SLC38A8: variants seen among roughly 807,000 people sequenced by gnomAD.
SLC38A8 encodes the protein solute carrier family 38 member 8, also known as amino acid transporter SLC38A8.
In SLC38A8, 65 loss-of-function variants were observed where a neutral mutation model predicts 46.0. That is an observed-to-expected ratio of 1.41 (90% CI 1.16 to 1.74). SLC38A8 has a LOEUF of 1.74. SLC38A8 is among the 40% of genes most tolerant of loss of function. The pLI is 0.00. For synonymous variants in SLC38A8, 447 were observed against 243.7 expected, an observed-to-expected ratio of 1.83 and a Z score of -7.77; for missense variants, 998 against 567.9, an observed-to-expected ratio of 1.76 and a Z score of -7.70.
In SLC38A8 at chr16:84,041,981, G is replaced by C. The variant is rs768398916; in HGVS notation, c.177C>G (p.Phe59Leu). 1.9e-6 allele frequency: 3 copies of C among 1,594,440 alleles called. No individual in the cohort carries two copies. Among genetic ancestry groups the C allele is most frequent in the Admixed American group, 1.7e-5 (1 of 57,540 alleles). ...FSKAGGVVPA[F>L]LVELVSLVFL... Reference sequence around the variant, plus strand: ...CCCGGGGACTTACCAGCTCCACCAGGAAGGCAGGGACCACTCCGCCCGCTT... The same window carrying C: ...CCCGGGGACTTACCAGCTCCACCAGCAAGGCAGGGACCACTCCGCCCGCTT... The change falls in exon 2 of 11, where the codon TTC (phenylalanine) becomes TTG (leucine). Residue 59 changes from phenylalanine to leucine, a missense_variant. Phe to Leu is a conservative substitution (Grantham distance 22). Coordinates refer to ENST00000299709, the MANE Select transcript of SLC38A8 (RefSeq NM_001080442.3).
In SLC38A8 at chr16:84,036,781, C is replaced by G. The variant is rs768450962; in HGVS notation, c.309G>C (p.Leu103=). The G allele has an allele frequency of 1.2e-6, 2 of 1,614,220 alleles. No individual in the cohort carries two copies. Among genetic ancestry groups the G allele is most frequent in the African/African-American group, 1.3e-5 (1 of 75,064 alleles). Reference sequence around the variant, plus strand: ...GGTTGAGGAGGAAGCAGGCCTCACACAGCTTCCCAATGGCAGGGCCACACA... The same window carrying G: ...GGTTGAGGAGGAAGCAGGCCTCACAGAGCTTCCCAATGGCAGGGCCACACA... ...RGLCGPAIGK[L]CEACFLLNLL... is the part of the protein sequence containing the mutation. The change falls in exon 3 of 11, where the codon CTG becomes CTC. Residue 103 remains leucine (L), a synonymous_variant. Transcript: ENST00000299709.
At chr16:84,020,615 G>A (rs2085084353) in intron 7 of SLC38A8, among the ~76,000 whole-genome samples, 1 of 152,224 alleles carries the variant, frequency 6.6e-6, no homozygotes, top group Non-Finnish European at 1.5e-5. Flanking sequence ...CAAAGCTGGT[G>A]CAGCGAGGAT....
chr16:84,020,659 G>C (rs901307156), intron 7 of SLC38A8, among the ~76,000 whole-genome samples: 1 of 152,210 alleles, frequency 6.6e-6, no homozygotes, highest in African/African-American at 2.4e-5. Flanking sequence ...AGAGACGTGA[G>C]GGCACGTAGG....
At chr16:84,016,839 T>G in intron 8 of SLC38A8, 112 bp from the exon 9 acceptor site, 1 of 1,223,480 alleles carries the variant, frequency 8.2e-7, no homozygotes, top group African/African-American at 1.5e-5. Context: ...GTGCTCCTGT[T>G]CCACACTCAG....
chr16:84,043,230 G>A (rs918081428), upstream of SLC38A8, among the ~76,000 whole-genome samples: 5 of 152,194 alleles, frequency 3.3e-5, no homozygotes, highest in African/African-American at 9.7e-5. Flanking sequence ...CCTAGGCCAC[G>A]CTTGAGTGAT....
intron 6 of SLC38A8, among the ~76,000 whole-genome samples, chr16:84,024,632 T>C (rs760806441): frequency 6.6e-6 from 1 of 151,710 alleles, no homozygotes; most frequent in African/African-American, 2.4e-5. Flanking sequence ...AGTATAAAAA[T>C]TAGTCAGGTG....
chr16:84,028,458 G>A (rs531677244), intron 6 of SLC38A8, among the ~76,000 whole-genome samples: 6 of 151,676 alleles, frequency 4.0e-5, no homozygotes, highest in Admixed American at 6.6e-5. Context: ...GGTGGTGCAC[G>A]CCTGTAGTCC....
chr16:84,028,772 T>C (rs1209785994), intron 6 of SLC38A8, among the ~76,000 whole-genome samples: 1 of 145,396 alleles, frequency 6.9e-6, no homozygotes, highest in Non-Finnish European at 1.5e-5. Context: ...TGGGGCCCGC[T>C]CACATCGGTG....
At chr16:84,020,909 T>C (rs150407013) in intron 7 of SLC38A8, among the ~76,000 whole-genome samples, 197 of 152,378 alleles carry the variant, frequency 1.3e-3, no homozygotes, top group African/African-American at 4.5e-3. Flanking sequence ...TTCCAGATCT[T>C]GCTGCTTTGG....
intron 10 of SLC38A8, among the ~76,000 whole-genome samples, chr16:84,011,906 A>T (rs1321041462): frequency 1.3e-5 from 2 of 152,184 alleles, no homozygotes; most frequent in African/African-American, 4.8e-5. Context: ...AAATAAAAGC[A>T]GAGGGATTTC....
rs990597884 is a variant in SLC38A8 at position 84,017,424 on chromosome 16, G to C, written c.806-137C>G. 2.9e-6 allele frequency: 3 copies of C among 1,024,350 alleles called. No homozygotes were observed. In the South Asian group the frequency reaches 4.9e-5, roughly 17 times the overall value. 63.5% of individuals were successfully genotyped at this position (1,024,350 alleles called of 1,614,324 possible). On this transcript the variant is annotated intron_variant, in intron 7 of 10. Coordinates refer to ENST00000299709, the MANE Select transcript of SLC38A8 (RefSeq NM_001080442.3). ...CTGAAAGAAGGTTCTGGAAGGGATA[G>C]CCCAAAGCTTTCCTGTCCTAAGCCT... is the stretch of plus-strand genomic sequence containing the variant.
intron 7 of SLC38A8, 60 bp from the exon 8 acceptor site, chr16:84,017,347 C>A (rs1490422436): frequency 7.0e-5 from 111 of 1,584,248 alleles, no homozygotes; most frequent in Non-Finnish European, 8.8e-5. Context: ...CCCCCTCCCC[C>A]ACCAACAGAC....
chr16:84,029,589 G>T, intron 5 of SLC38A8, 38 bp from the exon 6 acceptor site: 1 of 1,605,814 alleles, frequency 6.2e-7, no homozygotes, highest in Middle Eastern at 1.7e-4. Flanking sequence ...TTAAAGAAGG[G>T]TCACACCCGG....
Position 84,016,631 on chromosome 16 carries a change from C to T in SLC38A8, c.1050G>A (p.Leu350=). The T allele has an allele frequency of 1.2e-6, 2 of 1,613,912 alleles. No individual in the cohort carries two copies. The highest frequency in any genetic ancestry group is 2.2e-5 in the East Asian group (1 of 44,884). ...GCGTCACGGTGACCCACAGGATGGTCAGCGGCATCCGGACCCACAGCCCTG... is the reference window on the plus strand; with the variant it reads ...GCGTCACGGTGACCCACAGGATGGTTAGCGGCATCCGGACCCACAGCCCTG... ...DPSGLWVRMP[L]TILWVTVTLA... The change falls in exon 9 of 11, where the codon CTG becomes CTA. Residue 350 remains leucine (L), a synonymous_variant. Transcript: ENST00000299709.
intron 6 of SLC38A8, among the ~76,000 whole-genome samples, chr16:84,023,553 GCAC>G (rs1434100656): frequency 1.3e-5 from 2 of 152,098 alleles, no homozygotes; most frequent in African/African-American, 4.8e-5. Flanking sequence ...AAAGAACCAT[GCAC>G]CTCAACACAG....
At position 84,009,769 on chromosome 16, in the gene SLC38A8, G is replaced by A. The variant is rs144515669; in HGVS notation, c.*15C>T. Reference sequence around the variant, plus strand: ...GCCCCCGGAGGGCCCCTTCCTGCCCGGCACTAGCTGCCCATCAGAACATCT... The same window carrying A: ...GCCCCCGGAGGGCCCCTTCCTGCCCAGCACTAGCTGCCCATCAGAACATCT... On this transcript the variant is annotated 3_prime_UTR_variant, in exon 11 of 11. Transcript: ENST00000299709. 8.1e-6 allele frequency: 13 copies of A among 1,610,836 alleles called. No homozygotes were observed. Among genetic ancestry groups the A allele is most frequent in the African/African-American group, 5.4e-5 (4 of 74,728 alleles).
At chr16:84,039,730 A>G (rs2085345719) in intron 2 of SLC38A8, among the ~76,000 whole-genome samples, 1 of 138,306 alleles carries the variant, frequency 7.2e-6, no homozygotes, top group African/African-American at 2.8e-5. Context: ...CCTGGGCAAG[A>G]GAGTGAGACC....
intron 5 of SLC38A8, among the ~76,000 whole-genome samples, 166 bp from the exon 6 acceptor site, chr16:84,029,717 G>T (rs981181590): frequency 1.3e-5 from 2 of 152,148 alleles, no homozygotes; most frequent in East Asian, 1.9e-4. Flanking sequence ...AAATGGAAAA[G>T]GATGCTGGCT....
rs148467048 is a variant in SLC38A8 at position 84,041,969 on chromosome 16, C to T, written c.189G>A (p.Leu63=). ...GGVVPAFLVE[L]VSLVFLISGL... is the part of the protein sequence containing the mutation. ...CAGGACTCACTTCCCGGGGACTTAC[C>T]AGCTCCACCAGGAAGGCAGGGACCA... Residue 63 remains leucine (L), a splice_region_variant and synonymous_variant, in exon 2 of 11, where the codon CTG becomes CTA. Transcript: ENST00000299709. 953 of 1,584,336 alleles carry T rather than the reference C, an allele frequency of 6.0e-4. 5 individuals carry two copies. The African/African-American group carries it at 0.01, about 17-fold the overall frequency.
Sources: allele counts gnomAD v4.1 joint callset (sites outside exome capture counted in the v4.1 genomes callset), GRCh38; gene constraint gnomAD v4.1.1; transcripts MANE v1.5; gene names NCBI Gene and HGNC (gene_info 2026-07-23, HGNC 2026-07-21).